CELF2: variants seen among roughly 807,000 people sequenced by gnomAD.
CELF2 encodes CUGBP Elav-like family member 2, also known as CUG triplet repeat RNA-binding protein 2.
Under a neutral mutation model 62.6 loss-of-function variants are expected in CELF2, and 8 were observed. The ratio of observed to expected loss-of-function variants is 0.13; its 90% CI spans 0.07 to 0.23. The LOEUF is 0.23. Ranked by LOEUF, CELF2 falls within the 10% of genes least tolerant of loss-of-function variation. CELF2 has a pLI of 1.00. For synonymous variants in CELF2, 258 were observed against 250.0 expected (o/e 1.03, Z -0.30); for missense variants, 333 against 671.0 (o/e 0.50, Z 5.56).
chr10:11,303,797 C>T (rs1177809907), intron 9 of CELF2, among the ~76,000 whole-genome samples: 2 of 152,162 alleles, frequency 1.3e-5, no homozygotes, highest in Non-Finnish European at 2.9e-5. Context: ...TCTTGACTTC[C>T]ACATCAACAT....
At chr10:10,787,384 A>G in the CELF2 span, among the ~76,000 whole-genome samples, 3 of 152,206 alleles carry the variant, frequency 2.0e-5, no homozygotes, top group Non-Finnish European at 4.4e-5. Flanking sequence ...TTTTCATTTA[A>G]TACTTTTAAA....
chr10:10,589,573 G>A, the CELF2 span, among the ~76,000 whole-genome samples: 2 of 152,254 alleles, frequency 1.3e-5, no homozygotes, highest in African/African-American at 2.4e-5. Flanking sequence ...AGCTGTGGCT[G>A]GTGCTGTTAA....
intron 1 of CELF2, among the ~76,000 whole-genome samples, chr10:11,072,575 T>C (rs1385571525): frequency 1.7e-4 from 26 of 152,194 alleles, no homozygotes; most frequent in Non-Finnish European, 3.4e-4. Context: ...CTGGGTAACA[T>C]AGCAGATTCT....
the CELF2 span, among the ~76,000 whole-genome samples, chr10:10,475,779 T>A: frequency 6.6e-6 from 1 of 152,140 alleles, no homozygotes; most frequent in Non-Finnish European, 1.5e-5. Flanking sequence ...ACTTAACTTT[T>A]AAATAATGAA....
At position 11,324,284 on chromosome 10, in the gene CELF2, C is replaced by G. The variant is rs973896262; in HGVS notation, c.1295-1552C>G. On this transcript the variant is annotated intron_variant, in intron 11 of 12. Coordinates refer to ENST00000633077, the MANE Select transcript of CELF2 (RefSeq NM_001326342.2). The surrounding 1 kb of genome is among the most constrained non-coding windows in gnomAD (Gnocchi z 4.7). ...ATAACTCTCATTTGTGCATTTGGAT[C>G]TTTTGTGCAGTAGCAACATGAAAGC... Among the ~76,000 whole-genome samples the G allele has an allele frequency of 9.2e-5, 14 of 152,226 alleles. No homozygotes were observed. The highest frequency in any genetic ancestry group is 3.4e-4 in the African/African-American group (14 of 41,458).
intron 1 of CELF2, among the ~76,000 whole-genome samples, chr10:10,883,930 C>T (rs965968818): frequency 6.6e-6 from 1 of 151,644 alleles, no homozygotes; most frequent in African/African-American, 2.4e-5. Flanking sequence ...TCCTCCTTCT[C>T]CTCCTCCTCA....
At chr10:10,809,138 A>G (rs1416325552) in intron 1 of CELF2, among the ~76,000 whole-genome samples, 2 of 151,986 alleles carry the variant, frequency 1.3e-5, no homozygotes, top group Non-Finnish European at 2.9e-5. Flanking sequence ...AAAAGAAGAG[A>G]TGCCATAGCT....
intron 3 of CELF2, among the ~76,000 whole-genome samples, chr10:11,226,650 G>A (rs2066712729): frequency 6.7e-6 from 1 of 149,584 alleles, no homozygotes. Context: ...ACACGAGCTG[G>A]CCCTGCCACA....
the CELF2 span, among the ~76,000 whole-genome samples, chr10:10,678,174 T>G: frequency 6.6e-6 from 1 of 152,106 alleles, no homozygotes; most frequent in Non-Finnish European, 1.5e-5. Flanking sequence ...AGGAGATACT[T>G]ATGGATCCAC....
intron 1 of CELF2, among the ~76,000 whole-genome samples, chr10:11,024,304 CT>C (rs769753324): frequency 6.6e-6 from 1 of 152,130 alleles, no homozygotes; most frequent in Non-Finnish European, 1.5e-5. Context: ...GATTTTAAAT[CT>C]CAGTAATTAA....
chr10:11,230,129 G>A (rs1240269104), intron 3 of CELF2, among the ~76,000 whole-genome samples: 1 of 152,118 alleles, frequency 6.6e-6, no homozygotes, highest in Admixed American at 6.6e-5. Flanking sequence ...TGTTAGAAGT[G>A]CAGCCTTGCA....
chr10:11,037,584 G>A (rs2061162494), intron 1 of CELF2, among the ~76,000 whole-genome samples: 1 of 152,154 alleles, frequency 6.6e-6, no homozygotes, highest in African/African-American at 2.4e-5. Flanking sequence ...CGTGCTGAAT[G>A]CTCAAGCTGG....
chr10:10,601,118 A>G, the CELF2 span, among the ~76,000 whole-genome samples: 2 of 152,182 alleles, frequency 1.3e-5, no homozygotes, highest in Non-Finnish European at 2.9e-5. Context: ...CGGCTCCAGA[A>G]AGCTTGACCA....
upstream of CELF2, chr10:10,796,932 A>G: frequency 1.0e-6 from 1 of 979,728 alleles, no homozygotes; most frequent in Non-Finnish European, 1.2e-6. Context: ...ATTTTAGTCT[A>G]GAGACAGTTG....
chr10:10,697,797 G>A, the CELF2 span, among the ~76,000 whole-genome samples: 2 of 152,222 alleles, frequency 1.3e-5, no homozygotes, highest in African/African-American at 4.8e-5. Flanking sequence ...TTTGGGTTTG[G>A]TTTTGTCTGA....
the CELF2 span, among the ~76,000 whole-genome samples, chr10:10,650,565 T>C: frequency 6.6e-6 from 1 of 152,144 alleles, no homozygotes; most frequent in African/African-American, 2.4e-5. Flanking sequence ...AACAAGAGAA[T>C]GAATTTTTCA....
chr10:10,934,120 T>C lies in CELF2; in HGVS notation c.89+14121T>C, dbSNP rs1220182797. Among the ~76,000 whole-genome samples the C allele has an allele frequency of 1.3e-5, 2 of 152,248 alleles. No homozygotes were observed. Among genetic ancestry groups the C allele is most frequent in the African/African-American group, 4.8e-5 (2 of 41,464 alleles). ...CAGCGTTTCTTATTTTGCGTCTTTT[T>C]TGTAATAGCCATTTTAATTGGGGTG... On this transcript the variant is annotated intron_variant, in intron 2 of 13. Transcript: ENST00000636488. The surrounding 1 kb of genome is among the most constrained non-coding windows in gnomAD (Gnocchi z 4.4).
chr10:11,186,749 C>T (rs2075049084), intron 2 of CELF2, among the ~76,000 whole-genome samples: 1 of 152,044 alleles, frequency 6.6e-6, no homozygotes, highest in East Asian at 1.9e-4. Flanking sequence ...GGATGCTCAA[C>T]CAGTAAGTAT....
intron 1 of CELF2, among the ~76,000 whole-genome samples, chr10:10,883,945 C>G (rs2061595330): frequency 6.6e-6 from 1 of 151,634 alleles, no homozygotes; most frequent in South Asian, 2.1e-4. Flanking sequence ...TCCTCATCCT[C>G]TTTATCTCCT....
Sources: gnomAD v4.1 joint callset for allele counts (sites outside exome capture counted in the v4.1 genomes callset) on GRCh38, gnomAD v4.1.1 for gene constraint, Gnocchi (gnomAD v3.1) non-coding constraint, MANE v1.5 for transcripts, NCBI Gene and HGNC (gene_info 2026-07-23, HGNC 2026-07-21) for gene names.